COG5: variants seen among roughly 807,000 people sequenced by gnomAD.
COG5 encodes conserved oligomeric Golgi complex subunit 5.
Under a neutral mutation model 110.4 loss-of-function variants are expected in COG5, and 86 were observed. The observed-to-expected ratio is 0.78, with a 90% CI of 0.65 to 0.93. The LOEUF is 0.93. Among genes scored for constraint, COG5 ranks in the 40% least tolerant of loss-of-function variants. The pLI is 0.00. For synonymous variants in COG5, 360 were observed against 334.6 expected, an observed-to-expected ratio of 1.08 and a Z score of -0.83; for missense variants, 1,077 against 987.0, an observed-to-expected ratio of 1.09 and a Z score of -1.22.
chr7:107,548,196 G>A lies in COG5; in HGVS notation c.348-16C>T, dbSNP rs780403880. On this transcript the variant is annotated splice_polypyrimidine_tract_variant and intron_variant, in intron 4 of 21. Coordinates refer to ENST00000297135, the MANE Select transcript of COG5 (RefSeq NM_006348.5). Reference sequence around the variant, plus strand: ...TGCTTTTATCCTACAGGAAAAGAGAGGAGTGAGAATAAAATCATTTTCAGA... The same window carrying A: ...TGCTTTTATCCTACAGGAAAAGAGAAGAGTGAGAATAAAATCATTTTCAGA... The A allele has an allele frequency of 1.1e-5, 17 of 1,610,914 alleles. No individual in the cohort carries two copies. In the Admixed American group the frequency reaches 2.7e-4, roughly 25 times the overall value.
chr7:107,548,119 T>C lies in COG5; in HGVS notation c.409A>G (p.Arg137Gly). 3 of 1,613,210 alleles carry C rather than the reference T, an allele frequency of 1.9e-6. No individual in the cohort carries two copies. Among genetic ancestry groups the C allele is most frequent in the Non-Finnish European group, 2.5e-6 (3 of 1,179,276 alleles). ...KIVARTAQLARLQVACDLLRR... is the reference protein window; with the variant it reads ...KIVARTAQLAGLQVACDLLRR... Reference sequence around the variant, plus strand: ...TAAAAGTAAGAAACTACCTGAAGTCTTGCTAGTTGTGCAGTCCGGGCAACT... The same window carrying C: ...TAAAAGTAAGAAACTACCTGAAGTCCTGCTAGTTGTGCAGTCCGGGCAACT... Residue 137 changes from arginine (R) to glycine (G), a missense_variant, in exon 5 of 22, where the codon AGA becomes GGA. Coordinates refer to ENST00000297135, the MANE Select transcript of COG5 (RefSeq NM_006348.5).
chr7:107,389,840 C>T (rs1790490151), intron 7 of COG5, among the ~76,000 whole-genome samples: 1 of 152,162 alleles, frequency 6.6e-6, no homozygotes, highest in African/African-American at 2.4e-5. Context: ...CTTGGCACCT[C>T]CCTTAACACC....
chr7:107,282,549 T>C (rs1189372639), intron 13 of COG5, among the ~76,000 whole-genome samples: 1 of 152,130 alleles, frequency 6.6e-6, no homozygotes, highest in Non-Finnish European at 1.5e-5. Flanking sequence ...TGAGACAGGG[T>C]TTCGCTCTGT....
At chr7:107,434,663 T>C (rs1794241021) in intron 6 of COG5, among the ~76,000 whole-genome samples, 1 of 152,030 alleles carries the variant, frequency 6.6e-6, no homozygotes, top group Admixed American at 6.6e-5. Context: ...CCCAATAGGA[T>C]ATTAGCCTTA....
intron 11 of COG5, among the ~76,000 whole-genome samples, chr7:107,313,503 T>A (rs1236386813): frequency 1.3e-5 from 2 of 152,172 alleles, no homozygotes; most frequent in Non-Finnish European, 2.9e-5. Flanking sequence ...TATTTTCTTA[T>A]AGTTTTGGAG....
intron 10 of COG5, among the ~76,000 whole-genome samples, chr7:107,348,457 T>C (rs1018099738): frequency 2.3e-4 from 35 of 152,180 alleles, no homozygotes; most frequent in Non-Finnish European, 4.0e-4. Flanking sequence ...CAACTACTGA[T>C]TGAATTTCTT....
intron 6 of COG5, among the ~76,000 whole-genome samples, chr7:107,442,468 G>A (rs1794765189): frequency 6.7e-6 from 1 of 149,608 alleles, no homozygotes; most frequent in African/African-American, 2.4e-5. Context: ...GTATGTGTCA[G>A]GAGTAACCCA....
Position 107,282,866 on chromosome 7 carries a change from T to C in COG5, c.1475+705A>G, listed in dbSNP as rs117253117. ...ACGCCTCAGAATCACCATCTTCAAA[T>C]CTTTAAAAGAATTTAGACCTCAGTC... On this transcript the variant is annotated intron_variant, in intron 13 of 21. Transcript: ENST00000297135. Among the ~76,000 whole-genome samples, 36 of 152,286 alleles carry C rather than the reference T, an allele frequency of 2.4e-4. No individual in the cohort carries two copies. In the East Asian group the frequency reaches 6.6e-3, roughly 28 times the overall value.
At chr7:107,238,370 C>T (rs1048307064) in intron 17 of COG5, among the ~76,000 whole-genome samples, 2 of 152,178 alleles carry the variant, frequency 1.3e-5, no homozygotes, top group African/African-American at 4.8e-5. Flanking sequence ...ATGTATACCA[C>T]ATTTTCTTTA....
chr7:107,356,283 T>C (rs1376667450), intron 10 of COG5, among the ~76,000 whole-genome samples: 1 of 152,230 alleles, frequency 6.6e-6, no homozygotes, highest in Non-Finnish European at 1.5e-5. Flanking sequence ...CTGGAAAATA[T>C]ATTCTTAATT....
intron 6 of COG5, among the ~76,000 whole-genome samples, chr7:107,488,641 T>C (rs1266396654): frequency 1.3e-5 from 2 of 152,046 alleles, no homozygotes; most frequent in Admixed American, 6.6e-5. Context: ...GGCCAGGAAT[T>C]CAAGACCAGC....
rs1795908889 is a variant in COG5, at chr7:107,460,306, G to A, written c.539-47674C>T. ...TAGTGCCACCTACTTGGAAGGGTGA[G>A]GTGGGAGAATCTCTTGAGCCCAGGA... On this transcript the variant is annotated intron_variant, in intron 6 of 21. Transcript: ENST00000297135. Among the ~76,000 whole-genome samples the A allele has an allele frequency of 1.3e-5, 2 of 152,010 alleles. 1 individual carries two copies. Among genetic ancestry groups the A allele is most frequent in the South Asian group, 4.1e-4 (2 of 4,820 alleles).
chr7:107,432,228 A>T (rs1360250595), intron 6 of COG5, among the ~76,000 whole-genome samples: 2 of 152,242 alleles, frequency 1.3e-5, no homozygotes, highest in Non-Finnish European at 2.9e-5. Context: ...AATCAAAAAG[A>T]GTATGACAAT....
intron 7 of COG5, among the ~76,000 whole-genome samples, chr7:107,395,305 G>T (rs1374225130): frequency 6.6e-6 from 1 of 151,962 alleles, no homozygotes; most frequent in Admixed American, 6.6e-5. Context: ...TAGGGAGGGA[G>T]AAGTAAAGGG....
intron 8 of COG5, among the ~76,000 whole-genome samples, chr7:107,371,839 T>C (rs1299426223): frequency 6.6e-6 from 1 of 152,190 alleles, no homozygotes; most frequent in Non-Finnish European, 1.5e-5. Context: ...CTAATACAAC[T>C]GCAGAGTGCT....
At chr7:107,463,626 T>C (rs1339303248) in intron 6 of COG5, among the ~76,000 whole-genome samples, 4 of 152,196 alleles carry the variant, frequency 2.6e-5, no homozygotes, top group African/African-American at 7.2e-5. Context: ...ATTTTAGCTT[T>C]TTAAAATTTG....
chr7:107,490,075 A>AT (rs1409299150), intron 6 of COG5, among the ~76,000 whole-genome samples: 1 of 152,200 alleles, frequency 6.6e-6, no homozygotes, highest in African/African-American at 2.4e-5. Flanking sequence ...TGATGTAGTT[A>AT]TTTTTTAAAG....
At chr7:107,295,554 T>C (rs757258238) in intron 12 of COG5, among the ~76,000 whole-genome samples, 25 of 152,104 alleles carry the variant, frequency 1.6e-4, no homozygotes, top group South Asian at 4.2e-4. Flanking sequence ...TTCTTACATC[T>C]CCCATCTCTT....
chr7:107,481,676 T>A (rs1344883016), intron 6 of COG5, among the ~76,000 whole-genome samples: 3 of 152,174 alleles, frequency 2.0e-5, no homozygotes, highest in Admixed American at 6.5e-5. Context: ...CAAATTTACA[T>A]ACTCTGTACT....
Sources: allele counts gnomAD v4.1 joint callset (sites outside exome capture counted in the v4.1 genomes callset), GRCh38; gene constraint gnomAD v4.1.1; transcripts MANE v1.5; gene names NCBI Gene and HGNC (gene_info 2026-07-23, HGNC 2026-07-21).